Variants in FRAS1 observed in about 807,000 individuals in gnomAD.
FRAS1 encodes the protein extracellular matrix organizing protein FRAS1.
A neutral mutation model predicts 435.2 loss-of-function variants in FRAS1; 290 were observed. The ratio of observed to expected loss-of-function variants is 0.67; its 90% CI spans 0.61 to 0.73. The LOEUF (loss-of-function observed/expected upper bound fraction) is 0.73. Ranked by LOEUF, FRAS1 falls within the 30% of genes least tolerant of loss-of-function variation. The pLI is 0.00. For synonymous variants in FRAS1, 1,800 were observed against 1,851.0 expected (o/e 0.97, Z 0.71); for missense variants, 4,860 against 5,001.5 (o/e 0.97, Z 0.85).
chr4:78,376,455 A>G (rs747597516), intron 26 of FRAS1, among the ~76,000 whole-genome samples: 4 of 152,226 alleles, frequency 2.6e-5, no homozygotes, highest in Non-Finnish European at 4.4e-5. Context: ...TTATGGGACC[A>G]CCATCATATA....
chr4:78,240,053 A>T (rs1560597503), intron 3 of FRAS1, among the ~76,000 whole-genome samples: 1 of 147,774 alleles, frequency 6.8e-6, no homozygotes, highest in African/African-American at 2.5e-5. Flanking sequence ...GCACTCAATA[A>T]TTTTTTTTTT....
intron 2 of FRAS1, among the ~76,000 whole-genome samples, chr4:78,098,848 A>C (rs1741961879): frequency 6.6e-6 from 1 of 152,240 alleles, no homozygotes; most frequent in South Asian, 2.1e-4. Context: ...ATCCTGTTTT[A>C]AAAGCCAGAG....
chr4:78,341,021 G>C (rs566839006), intron 20 of FRAS1, among the ~76,000 whole-genome samples: 49 of 152,218 alleles, frequency 3.2e-4, no homozygotes, highest in African/African-American at 1.1e-3. Flanking sequence ...GAAGGGAGTG[G>C]GTGTTTAGTA....
intron 32 of FRAS1, among the ~76,000 whole-genome samples, chr4:78,416,568 A>AC (rs1447788255): frequency 1.3e-5 from 2 of 152,108 alleles, no homozygotes; most frequent in Non-Finnish European, 2.9e-5. Context: ...TCAGGAATGT[A>AC]CAAGGACTTT....
Position 78,503,965 on chromosome 4 carries a change from A to T in FRAS1, c.9317-3456A>T, listed in dbSNP as rs563106155. Among the ~76,000 whole-genome samples, 3 of 152,182 alleles carry T rather than the reference A, an allele frequency of 2.0e-5. No individual in the cohort carries two copies. The South Asian group carries it at 6.2e-4, about 32-fold the overall frequency. Reference sequence around the variant, plus strand: ...ACATCTTTATTTCTGCCTTAATTTCATTATGTACCCAGTAGTTATTCAGGA... The same window carrying T: ...ACATCTTTATTTCTGCCTTAATTTCTTTATGTACCCAGTAGTTATTCAGGA... On this transcript the variant is annotated intron_variant, in intron 61 of 73. Coordinates refer to ENST00000512123, the MANE Select transcript of FRAS1 (RefSeq NM_025074.7).
chr4:78,538,891 C>G (rs1294073546), intron 72 of FRAS1, among the ~76,000 whole-genome samples: 1 of 150,588 alleles, frequency 6.6e-6, no homozygotes, highest in African/African-American at 2.4e-5. Context: ...GGAGGTGGAG[C>G]CAGCAGTGAG....
Position 78,543,090 on chromosome 4 carries a change from G to T in FRAS1, c.*1966G>T, listed in dbSNP as rs2109913644. On this transcript the variant is annotated 3_prime_UTR_variant, in exon 74 of 74. Transcript: ENST00000512123. ...GGTTTTCAGGAGAGAATGAGTTGGGGTGAGCCCAGAGTCTGAAACTCCTGA... is the reference window on the plus strand; with the variant it reads ...GGTTTTCAGGAGAGAATGAGTTGGGTTGAGCCCAGAGTCTGAAACTCCTGA... The T allele has an allele frequency of 1.3e-5, 2 of 152,302 alleles. No individual in the cohort carries two copies. Among genetic ancestry groups the T allele is most frequent in the East Asian group, 3.9e-4 (2 of 5,184 alleles). The allele number at this position is 152,302 out of a possible 1,614,324, so 9.4% of individuals were successfully genotyped here.
At chr4:78,301,146 A>G (rs2110207067) in intron 14 of FRAS1, among the ~76,000 whole-genome samples, 1 of 152,332 alleles carries the variant, frequency 6.6e-6, no homozygotes, top group Admixed American at 6.5e-5. Context: ...AGGGTTACCA[A>G]GCTGCTTGCA....
intron 2 of FRAS1, among the ~76,000 whole-genome samples, chr4:78,140,691 ATATGTGTATATGCATATACG>A (rs1560546031): frequency 2.3e-5 from 3 of 130,110 alleles, no homozygotes; most frequent in Admixed American, 7.5e-5. Context: ...ATGCATATAC[ATATGTGTATATGCATATACG>A]TGTGTGTATA....
At chr4:78,489,391 A>G (rs1720273748) in intron 59 of FRAS1, among the ~76,000 whole-genome samples, 2 of 152,216 alleles carry the variant, frequency 1.3e-5, no homozygotes, top group Non-Finnish European at 2.9e-5. Context: ...AATAAAATAA[A>G]CTAGAGAAAA....
Position 78,494,794 on chromosome 4 carries a change from A to G in FRAS1, c.8959-2011A>G, listed in dbSNP as rs181694620. On this transcript the variant is annotated intron_variant, in intron 59 of 73. Coordinates refer to ENST00000512123, the MANE Select transcript of FRAS1 (RefSeq NM_025074.7). ...TCCTGACTCCCTGTCATCACAAATA[A>G]TGCTTCAGTGCACATCCTCATACAT... is the stretch of plus-strand genomic sequence containing the variant. Among the ~76,000 whole-genome samples, 22 of 152,322 alleles carry G rather than the reference A, an allele frequency of 1.4e-4. No homozygotes were observed. In the East Asian group the frequency reaches 3.7e-3, roughly 25 times the overall value.
chr4:78,404,378 A>G (rs987199083), intron 30 of FRAS1, among the ~76,000 whole-genome samples: 8 of 151,182 alleles, frequency 5.3e-5, no homozygotes, highest in Non-Finnish European at 1.0e-4. Flanking sequence ...TTGTTGTCAT[A>G]TTACGATTAA....
chr4:78,290,822 T>A (rs1727860210), intron 14 of FRAS1, among the ~76,000 whole-genome samples: 5 of 106,940 alleles, frequency 4.7e-5, no homozygotes, highest in African/African-American at 9.8e-5. Context: ...TTTTTTTTTT[T>A]AAGACAGAGT....
At position 78,304,919 on chromosome 4, in the gene FRAS1, G is replaced by C. The variant is rs1409375403; in HGVS notation, c.1535-3147G>C. 1.1e-4 allele frequency among the ~76,000 whole-genome samples: 17 copies of C among 152,076 alleles called. 1 individual carries two copies. In the East Asian group the frequency reaches 3.3e-3, roughly 29 times the overall value. On this transcript the variant is annotated intron_variant, in intron 14 of 73. Transcript: ENST00000512123. Reference sequence around the variant, plus strand: ...CTTCTGCTAGCTTTTGAATGTGTTTGCACTTGCTTTTCTAGTTCTTTTAAT... The same window carrying C: ...CTTCTGCTAGCTTTTGAATGTGTTTCCACTTGCTTTTCTAGTTCTTTTAAT...
At chr4:78,189,736 A>G (rs2110062163) in intron 2 of FRAS1, among the ~76,000 whole-genome samples, 1 of 152,308 alleles carries the variant, frequency 6.6e-6, no homozygotes, top group Admixed American at 6.5e-5. Flanking sequence ...TCTCTATTTT[A>G]CTTCTCTATT....
At position 78,464,590 on chromosome 4, in the gene FRAS1, G is replaced by C. The variant is rs183687186; in HGVS notation, c.7029+7G>C. ...GGTGGATGCTGACACAGAGGTAAGA[G>C]CACTTCTTCCCATGGGTTCTCTGGC... On this transcript the variant is annotated splice_region_variant and intron_variant, in intron 49 of 73. Coordinates refer to ENST00000512123, the MANE Select transcript of FRAS1 (RefSeq NM_025074.7). 6.2e-6 allele frequency: 10 copies of C among 1,613,396 alleles called. No homozygotes were observed. In the South Asian group the frequency reaches 1.1e-4, roughly 18 times the overall value.
At chr4:78,089,260 C>T (rs1277416725) in intron 2 of FRAS1, among the ~76,000 whole-genome samples, 1 of 132,020 alleles carries the variant, frequency 7.6e-6, no homozygotes, top group Non-Finnish European at 1.5e-5. Flanking sequence ...AGGGGAACAT[C>T]ACACACTGGG....
At chr4:78,165,895 T>A (rs1162045555) in intron 2 of FRAS1, among the ~76,000 whole-genome samples, 1 of 152,184 alleles carries the variant, frequency 6.6e-6, no homozygotes, top group East Asian at 1.9e-4. Context: ...TTGGAGCCTG[T>A]CATTTCTACC....
In FRAS1 at chr4:78,315,675, G is replaced by A. The variant is rs764558729; in HGVS notation, c.1760G>A (p.Gly587Glu). 8.1e-6 allele frequency: 13 copies of A among 1,613,822 alleles called. No homozygotes were observed. In the Admixed American group the frequency reaches 1.3e-4, roughly 17 times the overall value. ...ACTGAGAAGACAGTGCTGCATGATG[G>A]GAAATGCATGTCTGAATGCCCTGGC... ...TCTEKTVLHD[G>E]KCMSECPGGY... Residue 587 changes from glycine to glutamate, a missense_variant, in exon 16 of 74, where the codon GGG becomes GAG. Gly to Glu is a moderately conservative substitution (Grantham distance 98, BLOSUM62 -2). Coordinates refer to ENST00000512123, the MANE Select transcript of FRAS1 (RefSeq NM_025074.7).
Sources: allele counts gnomAD v4.1 joint callset (sites outside exome capture counted in the v4.1 genomes callset), GRCh38; gene constraint gnomAD v4.1.1; transcripts MANE v1.5; gene names NCBI Gene and HGNC (gene_info 2026-07-23, HGNC 2026-07-21).